Variants in SPRY4 observed in about 807,000 individuals in gnomAD.
SPRY4 encodes the protein protein sprouty homolog 4.
Under a neutral mutation model 17.0 loss-of-function variants are expected in SPRY4, and 7 were observed. The observed-to-expected ratio is 0.41, with a 90% confidence interval of 0.23 to 0.77. SPRY4 has a LOEUF of 0.77. SPRY4 is among the 30% of genes least tolerant of loss of function. SPRY4 has a pLI of 0.32. For synonymous variants in SPRY4, 183 were observed against 174.1 expected, an observed-to-expected ratio of 1.05 and a Z score of -0.40; for missense variants, 435 against 419.9, an observed-to-expected ratio of 1.04 and a Z score of -0.31.
Position 142,319,642 on chromosome 5 carries a change from A to G in SPRY4, c.-47-4487T>C, listed in dbSNP as rs2126997234. ...ACAGAGAGTCCTAGAATACTGAATCAGCAGGATATCAAAATCCCCAGAACA... is the reference window on the plus strand; with the variant it reads ...ACAGAGAGTCCTAGAATACTGAATCGGCAGGATATCAAAATCCCCAGAACA... On this transcript the variant is annotated intron_variant, in intron 1 of 1. Coordinates refer to ENST00000434127, the MANE Select transcript of SPRY4 (RefSeq NM_001127496.3). 4.1e-6 allele frequency: 6 copies of G among 1,475,250 alleles called. 1 individual carries two copies. Among genetic ancestry groups the G allele is most frequent in the South Asian group, 2.6e-5 (2 of 76,384 alleles). The allele number at this position is 1,475,250 out of a possible 1,614,324, so 91.4% of individuals were successfully genotyped here.
chr5:142,323,040 T>TAA lies in SPRY4; in HGVS notation c.-48+1802_-48+1803dup, dbSNP rs397882276. ...CTCCTAGCTCTCCTGACACCCGCCC[T>TAA]AAAAAAAAAAAAAAAAAGGCTGAAA... On this transcript the variant is annotated intron_variant, in intron 1 of 1. Transcript: ENST00000434127. 2.6e-3 allele frequency among the ~76,000 whole-genome samples: 307 copies of TAA among 119,496 alleles called. 1 individual carries two copies. Among genetic ancestry groups the TAA allele is most frequent in the South Asian group, 5.9e-3 (22 of 3,760 alleles). 78.4% of individuals were successfully genotyped at this position (119,496 alleles called of 152,430 possible).
At chr5:142,318,581 CTG>C (rs1389917631) in intron 1 of SPRY4, among the ~76,000 whole-genome samples, 1 of 152,190 alleles carries the variant, frequency 6.6e-6, no homozygotes, top group Non-Finnish European at 1.5e-5. Context: ...ACCCTCCACT[CTG>C]AGCAATGCTG....
rs1759012203 is a variant in SPRY4, at chr5:142,313,720, A to G, written c.*489T>C. 1 of 163,854 alleles carries G rather than the reference A, an allele frequency of 6.1e-6. No homozygotes were observed. Among genetic ancestry groups the G allele is most frequent in the African/African-American group, 2.4e-5 (1 of 41,420 alleles). The allele number at this position is 163,854 out of a possible 1,614,324, so 10.2% of individuals were successfully genotyped here. The stretch of plus-strand genomic sequence containing the variant: ...GTGAGATGGGGAAGGAGAAGAAGGT[A>G]TAGAAGACTCCAAGGGTCTTCTTTA... On this transcript the variant is annotated 3_prime_UTR_variant, in exon 2 of 2. Coordinates refer to ENST00000434127, the MANE Select transcript of SPRY4 (RefSeq NM_001127496.3).
intron 1 of SPRY4, chr5:142,319,825 C>T (rs1055340887): frequency 6.3e-7 from 1 of 1,591,830 alleles, no homozygotes; most frequent in Non-Finnish European, 8.6e-7. Flanking sequence ...TGTTAAATGT[C>T]CGCACAATTG....
At chr5:142,318,100 C>A in intron 1 of SPRY4, 1 of 985,136 alleles carries the variant, frequency 1.0e-6, no homozygotes, top group Non-Finnish European at 1.2e-6. Flanking sequence ...ATTTATGTGG[C>A]TGACAAAGGA....
chr5:142,320,913 G>C (rs977495858), intron 1 of SPRY4, among the ~76,000 whole-genome samples: 1 of 152,148 alleles, frequency 6.6e-6, no homozygotes, highest in Non-Finnish European at 1.5e-5. Context: ...TTCTGCAAGT[G>C]GCCACCTGCC....
At position 142,313,489 on chromosome 5, in the gene SPRY4, CGA is replaced by C. The variant is rs1180462359; in HGVS notation, c.*718_*719del. Reference sequence around the variant, plus strand: ...GACGGTGTGGTGAGCAGAACACCCCCGAGAGTTAGTTGATGCAGTTGGAAGGG... The same window carrying C: ...GACGGTGTGGTGAGCAGAACACCCCCGAGTTAGTTGATGCAGTTGGAAGGG... On this transcript the variant is annotated 3_prime_UTR_variant, in exon 2 of 2. Coordinates refer to ENST00000434127, the MANE Select transcript of SPRY4 (RefSeq NM_001127496.3). The C allele has an allele frequency of 2.6e-5, 4 of 152,362 alleles. No individual in the cohort carries two copies. The highest frequency in any genetic ancestry group is 9.7e-5 in the African/African-American group (4 of 41,384). 9.4% of individuals were successfully genotyped at this position (152,362 alleles called of 1,614,324 possible). A position where few individuals can be genotyped will look rare whatever the true frequency, so the allele number is the denominator to read the frequency against.
chr5:142,323,486 G>A (rs558177288), intron 1 of SPRY4, among the ~76,000 whole-genome samples: 1 of 152,210 alleles, frequency 6.6e-6, no homozygotes, highest in Non-Finnish European at 1.5e-5. Context: ...CCAGAAGGCG[G>A]CCTCCTGCCC....
At chr5:142,319,495 C>A (rs547898921) in intron 1 of SPRY4, among the ~76,000 whole-genome samples, 71 of 152,290 alleles carry the variant, frequency 4.7e-4, no homozygotes, top group African/African-American at 1.5e-3. Flanking sequence ...CAAAAGGAAA[C>A]CCTGGGGTGG....
At chr5:142,321,004 G>T (rs1285577594) in intron 1 of SPRY4, among the ~76,000 whole-genome samples, 1 of 152,104 alleles carries the variant, frequency 6.6e-6, no homozygotes, top group African/African-American at 2.4e-5. Flanking sequence ...TCACTGACTG[G>T]GGCCTGTCCT....
At chr5:142,323,637 A>G (rs1759426852) in intron 1 of SPRY4, among the ~76,000 whole-genome samples, 1 of 152,176 alleles carries the variant, frequency 6.6e-6, no homozygotes, top group South Asian at 2.1e-4. Flanking sequence ...AAGCCACGCA[A>G]CCATTTTCTG....
At chr5:142,317,087 A>T in intron 1 of SPRY4, 2 of 985,472 alleles carry the variant, frequency 2.0e-6, no homozygotes, top group Non-Finnish European at 2.4e-6. Flanking sequence ...GTCTGCCACC[A>T]AAGAGTAGCC....
Position 142,315,309 on chromosome 5 carries a change from TAAG to T in SPRY4, c.-47-157_-47-155del, listed in dbSNP as rs1262564167. 4 of 585,966 alleles carry T rather than the reference TAAG, an allele frequency of 6.8e-6. No homozygotes were observed. The Admixed American group carries it at 8.9e-5, about 13-fold the overall frequency. 36.3% of individuals were successfully genotyped at this position (585,966 alleles called of 1,614,324 possible). ...GGACTTTCCAGTGACTCCCCAAGCTTAAGATGATTAATAATGACAAGAAGTCAG... is the reference window on the plus strand; with the variant it reads ...GGACTTTCCAGTGACTCCCCAAGCTTATGATTAATAATGACAAGAAGTCAG... On this transcript the variant is annotated intron_variant, in intron 1 of 1. Coordinates refer to ENST00000434127, the MANE Select transcript of SPRY4 (RefSeq NM_001127496.3).
At chr5:142,317,136 G>A (rs112903524) in intron 1 of SPRY4, 1 of 985,488 alleles carries the variant, frequency 1.0e-6, no homozygotes, top group African/African-American at 1.7e-5. Flanking sequence ...CCTGTGGTCA[G>A]GGCTGGAGAG....
chr5:142,310,533 C>G lies in SPRY4; in HGVS notation c.*3676G>C, dbSNP rs978235873. On this transcript the variant is annotated 3_prime_UTR_variant, in exon 2 of 2. Transcript: ENST00000434127. The stretch of plus-strand genomic sequence containing the variant: ...TTCTTCACAAACAGAAGAACTCTTA[C>G]AATAGTAGACTTTCTAAAATAAATA... 6.6e-6 allele frequency: 1 copy of G among 152,342 alleles called. No homozygotes were observed. The highest frequency in any genetic ancestry group is 1.5e-5 in the Non-Finnish European group (1 of 68,020). The allele number at this position is 152,342 out of a possible 1,614,324, so 9.4% of individuals were successfully genotyped here.
At position 142,312,112 on chromosome 5, in the gene SPRY4, A is replaced by G. The variant is rs1220129714; in HGVS notation, c.*2097T>C. 3 of 152,300 alleles carry G rather than the reference A, an allele frequency of 2.0e-5. No individual in the cohort carries two copies. Among genetic ancestry groups the G allele is most frequent in the Admixed American group, 6.6e-5 (1 of 15,234 alleles). 9.4% of individuals were successfully genotyped at this position (152,300 alleles called of 1,614,324 possible). On this transcript the variant is annotated 3_prime_UTR_variant, in exon 2 of 2. Coordinates refer to ENST00000434127, the MANE Select transcript of SPRY4 (RefSeq NM_001127496.3). ...TTCTGAGGCCTCGCAGAAAGCGTGC[A>G]GATGTGCACTATCAATTTTGGGGCC...
intron 1 of SPRY4, chr5:142,318,276 G>T: frequency 1.5e-6 from 1 of 683,352 alleles, no homozygotes; most frequent in Non-Finnish European, 1.8e-6. Flanking sequence ...CTTGAGGTCA[G>T]GAGTTCAAGA....
rs1242403240 is a variant in SPRY4 at position 142,310,808 on chromosome 5, A to G, written c.*3401T>C. The G allele has an allele frequency of 6.6e-6, 1 of 152,294 alleles. No homozygotes were observed. Among genetic ancestry groups the G allele is most frequent in the Non-Finnish European group, 1.5e-5 (1 of 68,098 alleles). The allele number at this position is 152,294 out of a possible 1,614,324, so 9.4% of individuals were successfully genotyped here. On this transcript the variant is annotated 3_prime_UTR_variant, in exon 2 of 2. Coordinates refer to ENST00000434127, the MANE Select transcript of SPRY4 (RefSeq NM_001127496.3). ...CGCAAGATTCATCATCGACTGTCAC[A>G]GTAAGCAGAGGGGGCACAAAAATGC...
rs768369721 is a variant in SPRY4 at position 142,314,408 on chromosome 5, C to T, written c.701G>A (p.Arg234His). The T allele has an allele frequency of 5.6e-6, 9 of 1,613,804 alleles. No individual in the cohort carries two copies. The highest frequency in any genetic ancestry group is 1.1e-5 in the South Asian group (1 of 91,034). ...GGAGAGAGCACCCATGAAGGACCAG[C>T]GGGCGCAGCAGTTGGAGCGGGAGCA... ...CSCSRSNCCA[R>H]WSFMGALSVV... Residue 234 changes from arginine to histidine, a missense_variant, in exon 2 of 2, where the codon CGC becomes CAC. Physicochemically the swap from Arg to His is conservative, Grantham distance 29 (BLOSUM62 0). Coordinates refer to ENST00000434127, the MANE Select transcript of SPRY4 (RefSeq NM_001127496.3). This position sits in a 1 kb window ranked among gnomAD's most constrained non-coding sequence, Gnocchi z 4.8.
Sources: gnomAD v4.1 joint callset for allele counts (sites outside exome capture counted in the v4.1 genomes callset) on GRCh38, gnomAD v4.1.1 for gene constraint, Gnocchi (gnomAD v3.1) non-coding constraint, MANE v1.5 for transcripts, NCBI Gene and HGNC (gene_info 2026-07-23, HGNC 2026-07-21) for gene names.